Variants in MACROD2 observed in about 807,000 individuals in gnomAD.
The protein encoded by MACROD2 is mono-ADP ribosylhydrolase 2, also known as ADP-ribose glycohydrolase MACROD2.
MACROD2 carries 36 observed loss-of-function variants against 70.4 expected under a neutral mutation model. That is an observed-to-expected ratio of 0.51 (90% CI 0.39 to 0.68). The LOEUF is 0.68. Among genes scored for constraint, MACROD2 ranks in the 30% least tolerant of loss-of-function variants. MACROD2 has a pLI of 0.00. For missense variants in MACROD2, 496 were observed against 538.4 expected, an observed-to-expected ratio of 0.92 and a Z score of 0.78; for synonymous variants, 172 against 178.8, an observed-to-expected ratio of 0.96 and a Z score of 0.30.
At position 14,763,457 on chromosome 20, in the gene MACROD2, ACT is replaced by A. The variant is rs541256161; in HGVS notation, c.418+78499_418+78500del. Among the ~76,000 whole-genome samples the A allele has an allele frequency of 2.9e-4, 44 of 152,222 alleles. No homozygotes were observed. The East Asian group carries it at 7.5e-3, about 26-fold the overall frequency. ...CTTTTTAGAAAAGTTTCTCTCTGTG[ACT>A]TTGTGGAAAATAGGTAAGAGGTCAG... On this transcript the variant is annotated intron_variant, in intron 5 of 17. Coordinates refer to ENST00000684519, the MANE Select transcript of MACROD2 (RefSeq NM_001351661.2).
intron 5 of MACROD2, among the ~76,000 whole-genome samples, chr20:15,079,265 A>T (rs1318729565): frequency 6.6e-6 from 1 of 151,610 alleles, no homozygotes; most frequent in Non-Finnish European, 1.5e-5. Flanking sequence ...CCCCATGACT[A>T]CTTTCTTAAT....
At chr20:15,858,366 A>G (rs1601005690) in intron 8 of MACROD2, among the ~76,000 whole-genome samples, 1 of 152,180 alleles carries the variant, frequency 6.6e-6, no homozygotes, top group East Asian at 1.9e-4. Context: ...TGGGGCTAGT[A>G]TGGGGCATAT....
At chr20:14,085,917 C>T (rs1277291981) in intron 3 of MACROD2, among the ~76,000 whole-genome samples, 189 bp downstream of exon 3, 1 of 152,162 alleles carries the variant, frequency 6.6e-6, no homozygotes, top group Admixed American at 6.5e-5. Flanking sequence ...TGTGCATCTA[C>T]AGTACCCTCT....
intron 8 of MACROD2, among the ~76,000 whole-genome samples, chr20:15,768,828 C>A (rs1332945717): frequency 6.6e-6 from 1 of 151,832 alleles, no homozygotes; most frequent in Non-Finnish European, 1.5e-5. Context: ...TATTTATTTT[C>A]ACTTTTCAGA....
intron 3 of MACROD2, among the ~76,000 whole-genome samples, chr20:14,478,666 T>A (rs1023310255): frequency 2.0e-5 from 3 of 152,136 alleles, no homozygotes; most frequent in Non-Finnish European, 4.4e-5. Flanking sequence ...TTCTGGGATC[T>A]TTTGGTTTTG....
At chr20:14,522,515 T>C (rs1180015720) in intron 4 of MACROD2, among the ~76,000 whole-genome samples, 1 of 152,232 alleles carries the variant, frequency 6.6e-6, no homozygotes, top group Non-Finnish European at 1.5e-5. Flanking sequence ...CTCTACTCTG[T>C]CGGGCTTACT....
At chr20:14,228,172 T>G (rs1209716314) in intron 3 of MACROD2, among the ~76,000 whole-genome samples, 2 of 151,032 alleles carry the variant, frequency 1.3e-5, no homozygotes, top group African/African-American at 4.9e-5. Context: ...TGTATATATA[T>G]AGAGAGAGAG....
chr20:15,795,346 T>C (rs2063663357), intron 8 of MACROD2, among the ~76,000 whole-genome samples: 1 of 151,972 alleles, frequency 6.6e-6, no homozygotes, highest in Non-Finnish European at 1.5e-5. Flanking sequence ...GGATCAGCAA[T>C]GAGGGTGTAG....
chr20:14,194,792 G>A (rs1601334468), intron 3 of MACROD2, among the ~76,000 whole-genome samples: 1 of 152,304 alleles, frequency 6.6e-6, no homozygotes, highest in East Asian at 1.9e-4. Context: ...TTGATGCCTA[G>A]AGAGAGAATT....
intron 4 of MACROD2, among the ~76,000 whole-genome samples, chr20:14,513,402 G>A (rs2123154039): frequency 6.6e-6 from 1 of 152,064 alleles, no homozygotes; most frequent in Non-Finnish European, 1.5e-5. Flanking sequence ...AAACCCTAAA[G>A]CACTGCTTGC....
At chr20:15,465,864 C>G (rs943341383) in intron 7 of MACROD2, among the ~76,000 whole-genome samples, 1 of 152,132 alleles carries the variant, frequency 6.6e-6, no homozygotes, top group Non-Finnish European at 1.5e-5. Context: ...CTTCCATGGC[C>G]ACACCTCTTA....
At chr20:14,881,915 T>G (rs2073615157) in intron 5 of MACROD2, among the ~76,000 whole-genome samples, 1 of 152,184 alleles carries the variant, frequency 6.6e-6, no homozygotes, top group African/African-American at 2.4e-5. Flanking sequence ...TAGACTTCTA[T>G]TTGTATAGTG....
At chr20:15,229,842 C>T (rs1006098184) in intron 5 of MACROD2, 98 bp from the exon 6 acceptor site, 6 of 1,257,316 alleles carry the variant, frequency 4.8e-6, no homozygotes, top group Non-Finnish European at 6.3e-6. Flanking sequence ...TGTCTCCAGG[C>T]TCTAACACAA....
rs938805882 is a variant in MACROD2, at chr20:14,593,006, C to G, written c.302-91837C>G. 5.9e-5 allele frequency among the ~76,000 whole-genome samples: 9 copies of G among 152,054 alleles called. 1 individual carries two copies. The highest frequency in any genetic ancestry group is 4.1e-4 in the South Asian group (2 of 4,820). ...ATTAGGCCTCAAAATCTTAGGTCTG[C>G]ATTTGATTTTAGACACATATATTAT... On this transcript the variant is annotated intron_variant, in intron 4 of 17. Transcript: ENST00000684519.
At chr20:14,100,622 A>G (rs2148678238) in intron 3 of MACROD2, among the ~76,000 whole-genome samples, 1 of 142,986 alleles carries the variant, frequency 7.0e-6, no homozygotes, top group East Asian at 2.0e-4. Flanking sequence ...TAGTATATAT[A>G]AAAATATATA....
rs2052635652 is a variant in MACROD2, at chr20:13,995,967, ACACTCGCGCG to A, written c.46+164_46+173del. On this transcript the variant is annotated intron_variant, in intron 1 of 17. Coordinates refer to ENST00000684519, the MANE Select transcript of MACROD2 (RefSeq NM_001351661.2). The surrounding 1 kb of genome is among the most constrained non-coding windows in gnomAD (Gnocchi z 4.3). ...CCGGTGTCCGTGTGTACACACGCGC[ACACTCGCGCG>A]CACTCCGGCGTGCACGCGCCGCCCC... Among the ~76,000 whole-genome samples the A allele has an allele frequency of 6.6e-6, 1 of 152,032 alleles. No individual in the cohort carries two copies. The highest frequency in any genetic ancestry group is 2.4e-5 in the African/African-American group (1 of 41,410).
intron 8 of MACROD2, among the ~76,000 whole-genome samples, chr20:15,812,994 C>T (rs2063836055): frequency 6.6e-6 from 1 of 152,086 alleles, no homozygotes; most frequent in Non-Finnish European, 1.5e-5. Context: ...TTCAGGTACC[C>T]CAGAAATATC....
At chr20:15,298,422 G>A (rs909504870) in intron 6 of MACROD2, among the ~76,000 whole-genome samples, 1 of 152,190 alleles carries the variant, frequency 6.6e-6, no homozygotes, top group Non-Finnish European at 1.5e-5. Flanking sequence ...AGTGGCATGG[G>A]GATGGGCAGG....
intron 8 of MACROD2, among the ~76,000 whole-genome samples, chr20:15,587,933 G>C (rs1213920722): frequency 6.6e-6 from 1 of 152,134 alleles, no homozygotes; most frequent in Non-Finnish European, 1.5e-5. Flanking sequence ...GGAGGATGGT[G>C]GCCCTCTTGT....
Sources: allele counts gnomAD v4.1 joint callset (sites outside exome capture counted in the v4.1 genomes callset), GRCh38; gene constraint gnomAD v4.1.1; non-coding constraint Gnocchi (gnomAD v3.1); transcripts MANE v1.5; gene names NCBI Gene and HGNC (gene_info 2026-07-23, HGNC 2026-07-21).